The following MACF1 variants were observed in gnomAD, a reference collection of about 807,000 sequenced individuals.
MACF1 encodes microtubule actin crosslinking factor 1, also known as microtubule-actin cross-linking factor 1.
In MACF1, 193 loss-of-function variants were observed where a neutral mutation model predicts 854.8. The observed-to-expected ratio is 0.23, with a 90% CI of 0.20 to 0.25. The LOEUF is 0.25. Among genes scored for constraint, MACF1 ranks in the 10% least tolerant of loss-of-function variants. MACF1 has a pLI of 1.00. For missense variants in MACF1, 7,722 were observed against 8,929.1 expected (o/e 0.86, Z 5.45); for synonymous variants, 3,185 against 3,226.7 (o/e 0.99, Z 0.44).
At chr1:39,459,710 C>G (rs748462549) in intron 91 of MACF1, 1 of 583,344 alleles carries the variant, frequency 1.7e-6, no homozygotes, top group Non-Finnish European at 2.6e-6. Flanking sequence ...AGAAGCAACT[C>G]TATTTTGAAG....
chr1:39,445,444 C>T (rs1266158794), intron 80 of MACF1, among the ~76,000 whole-genome samples: 2 of 152,232 alleles, frequency 1.3e-5, no homozygotes, highest in Non-Finnish European at 2.9e-5. Context: ...CTGTTGACCA[C>T]ATTCACTCAA....
chr1:39,485,338 C>A, intron 100 of MACF1, 200 bp from the exon 101 acceptor site: 1 of 605,698 alleles, frequency 1.7e-6, no homozygotes. Context: ...GCTTTCTAAT[C>A]CCCAGGAGGC....
In MACF1 at chr1:39,178,809, TC is replaced by T. The variant is rs1185122901; in HGVS notation, c.221-52372del. On this transcript the variant is annotated intron_variant, in intron 2 of 93. Coordinates refer to the MACF1 transcript ENST00000361689. ...GGTGTCAGATTGGAAAGCCAAGAGATCAGGTGGCTTGTGATCATAATATAAA... is the reference window on the plus strand; with the variant it reads ...GGTGTCAGATTGGAAAGCCAAGAGATAGGTGGCTTGTGATCATAATATAAA... Among the ~76,000 whole-genome samples the T allele has an allele frequency of 2.6e-5, 4 of 152,204 alleles. No homozygotes were observed. In the East Asian group the frequency reaches 7.7e-4, roughly 29 times the overall value.
intron 1 of MACF1, among the ~76,000 whole-genome samples, chr1:39,208,900 G>A (rs536597743): frequency 1.4e-4 from 21 of 152,102 alleles, no homozygotes; most frequent in Non-Finnish European, 2.8e-4. Flanking sequence ...TGGGATTACA[G>A]GCGAAAACAG....
At chr1:39,208,166 GT>G (rs71057199) in intron 1 of MACF1, among the ~76,000 whole-genome samples, 118 of 141,564 alleles carry the variant, frequency 8.3e-4, no homozygotes, top group Non-Finnish European at 1.3e-3. Flanking sequence ...ATATAAAAGG[GT>G]TTTTTTTTTT....
chr1:39,485,459 A>C, intron 100 of MACF1, 79 bp from the exon 101 acceptor site: 1 of 1,442,968 alleles, frequency 6.9e-7, no homozygotes, highest in Non-Finnish European at 9.2e-7. Flanking sequence ...ACACAGGATC[A>C]GAACCCTAGC....
rs553272050 is a variant in MACF1 at position 39,386,076 on chromosome 1, C to T, written c.14344+147C>T. On this transcript the variant is annotated intron_variant, in intron 57 of 100. Transcript: ENST00000564288. The stretch of plus-strand genomic sequence containing the variant: ...TTAAACCAATTCCTTCTCCTAGTTG[C>T]AGTGAGAACTGTTGTAGTTGTTACA... 2.4e-5 allele frequency: 21 copies of T among 871,344 alleles called. No individual in the cohort carries two copies. In the South Asian group the frequency reaches 3.7e-4, roughly 16 times the overall value. The allele number at this position is 871,344 out of a possible 1,614,324, so 54.0% of individuals were successfully genotyped here.
rs77969312 is a variant in MACF1 at position 39,341,754 on chromosome 1, C to T, written c.10581+801C>T. ...CAGTGATAATGATCATTTCTCCTTT[C>T]AGCTATTCTCTGAGAGACCATCTAC... On this transcript the variant is annotated intron_variant, in intron 40 of 100. Coordinates refer to ENST00000564288, the MANE Select transcript of MACF1 (RefSeq NM_001394062.1). 1.1e-4 allele frequency among the ~76,000 whole-genome samples: 17 copies of T among 151,864 alleles called. No homozygotes were observed. In the East Asian group the frequency reaches 3.1e-3, roughly 28 times the overall value.
rs1258016831 is a variant in MACF1, at chr1:39,333,126, A to G, written c.6538A>G (p.Thr2180Ala). The G allele has an allele frequency of 4.3e-6, 7 of 1,614,032 alleles. No homozygotes were observed. Among genetic ancestry groups the G allele is most frequent in the Non-Finnish European group, 5.9e-6 (7 of 1,180,040 alleles). ...CQNEQAHTLE[T>A]EYIHDETGGS... ...GAATGAACAAGCACACACTCTTGAG[A>G]CTGAATATATTCATGATGAAACTGG... The change falls in exon 37 of 101, where the codon ACT (threonine) becomes GCT (alanine). Residue 2180 changes from threonine to alanine, a missense_variant. Physicochemically the swap from Thr to Ala is moderately conservative, Grantham distance 58. Coordinates refer to ENST00000564288, the MANE Select transcript of MACF1 (RefSeq NM_001394062.1).
chr1:39,444,775 G>A lies in MACF1; in HGVS notation c.19545G>A (p.Gln6515=), dbSNP rs577190731. Reference sequence around the variant, plus strand: ...CTGGGTCTGGCTCCAAGACAGAACAGAGTGTAGCACTTTTGGAGCAGAAGT... The same window carrying A: ...CTGGGTCTGGCTCCAAGACAGAACAAAGTGTAGCACTTTTGGAGCAGAAGT... ...DDSGSGSKTE[Q]SVALLEQKWH... is the part of the protein sequence containing the mutation. Residue 6515 remains glutamine (Q), a synonymous_variant, in exon 80 of 101, where the codon CAG becomes CAA. Coordinates refer to ENST00000564288, the MANE Select transcript of MACF1 (RefSeq NM_001394062.1). The A allele has an allele frequency of 3.1e-6, 5 of 1,614,070 alleles. No individual in the cohort carries two copies. In the East Asian group the frequency reaches 8.9e-5, roughly 29 times the overall value.
rs1387846770 is a variant in MACF1, at chr1:39,332,089, C to G, written c.5501C>G (p.Ala1834Gly). ...IDEAVSNDLV[A>G]AKIALVILES... is the part of the protein sequence containing the mutation. ...GAAGCAGTGAGCAATGATCTAGTAG[C>G]TGCTAAGATCGCCCTTGTGATTCTG... The change falls in exon 37 of 101, where the codon GCT (alanine) becomes GGT (glycine). Residue 1834 changes from alanine (A) to glycine (G), a missense_variant. Physicochemically the swap from Ala to Gly is moderately conservative, Grantham distance 60 (BLOSUM62 0). Around this residue, in one of 15 missense-constraint regions of MACF1, gnomAD observed 1,531 missense variants for 1,601.6 expected, o/e 0.96. Coordinates refer to ENST00000564288, the MANE Select transcript of MACF1 (RefSeq NM_001394062.1). 2 of 1,614,114 alleles carry G rather than the reference C, an allele frequency of 1.2e-6. No individual in the cohort carries two copies. Among genetic ancestry groups the G allele is most frequent in the South Asian group, 2.2e-5 (2 of 91,056 alleles).
chr1:39,298,017 C>A lies in MACF1; in HGVS notation c.2481+272C>A, dbSNP rs527788915. Among the ~76,000 whole-genome samples the A allele has an allele frequency of 1.1e-4, 16 of 152,008 alleles. 1 individual carries two copies. In the South Asian group the frequency reaches 1.7e-3, roughly 16 times the overall value. ...TCTGAGCCACTTTGAGCTCATTGTACTTTCTTTGCATTTTTCTTATTTTAA... is the reference window on the plus strand; with the variant it reads ...TCTGAGCCACTTTGAGCTCATTGTAATTTCTTTGCATTTTTCTTATTTTAA... On this transcript the variant is annotated intron_variant, in intron 21 of 100. Transcript: ENST00000564288.
Position 39,257,954 on chromosome 1 carries a change from C to T in MACF1, c.454C>T (p.Arg152Cys), listed in dbSNP as rs1433719586. Residue 152 changes from arginine to cysteine, a missense_variant, in exon 6 of 101, where the codon CGC becomes TGC. Around this residue, in one of 15 missense-constraint regions of MACF1, gnomAD observed 108 missense variants for 196.4 expected, o/e 0.55. Transcript: ENST00000564288. ...KQRQVKLVNI[R>C]NDDITDGNPK... ...TTTTCAGGTGAAACTAGTGAATATT[C>T]GCAATGATGACATCACAGATGGCAA... 3.7e-6 allele frequency: 6 copies of T among 1,613,472 alleles called. No homozygotes were observed. In the Admixed American group the frequency reaches 6.7e-5, roughly 18 times the overall value.
intron 6 of MACF1, among the ~76,000 whole-genome samples, chr1:39,273,837 G>A (rs561996849): frequency 3.3e-5 from 5 of 152,226 alleles, no homozygotes; most frequent in African/African-American, 7.2e-5. Flanking sequence ...TAATCCGCCC[G>A]CCTCGGCTTC....
At chr1:39,280,566 A>T (rs917196634) in intron 6 of MACF1, among the ~76,000 whole-genome samples, 1 of 151,926 alleles carries the variant, frequency 6.6e-6, no homozygotes. Flanking sequence ...GCAAAATAAC[A>T]TTTATTTATT....
chr1:39,457,715 AGCACTGTCAG>A (rs1644468254), intron 89 of MACF1: 1 of 152,426 alleles, frequency 6.6e-6, no homozygotes, highest in African/African-American at 2.4e-5. Flanking sequence ...TCCTGGTCAC[AGCACTGTCAG>A]GCATCCCTGT....
chr1:39,368,192 T>G lies in MACF1; in HGVS notation c.12816T>G (p.Thr4272=). 6.2e-7 allele frequency: 1 copy of G among 1,614,146 alleles called. No homozygotes were observed. Among genetic ancestry groups the G allele is most frequent in the Non-Finnish European group, 8.5e-7 (1 of 1,180,028 alleles). The change falls in exon 50 of 101, where the codon ACT becomes ACG. Residue 4272 remains threonine, a synonymous_variant. Transcript: ENST00000564288. The part of the protein sequence containing the change: ...EMEDQQENLD[T]LEHLVTELSS... ...AAGACCAACAGGAGAACCTAGATAC[T>G]CTTGAGCACCTGGTCACTGAACTGA... is the stretch of plus-strand genomic sequence containing the variant.
intron 2 of MACF1, among the ~76,000 whole-genome samples, chr1:39,153,835 C>A (rs1281934253): frequency 6.6e-6 from 1 of 152,296 alleles, no homozygotes; most frequent in Non-Finnish European, 1.5e-5. Context: ...ACCAGAAGGA[C>A]AAGGTGTAAT....
In MACF1 at chr1:39,452,347, A is replaced by T; in HGVS notation, c.20610A>T (p.Lys6870Asn). Residue 6870 changes from lysine (K) to asparagine (N), a missense_variant, in exon 86 of 101, where the codon AAA becomes AAT. Coordinates refer to ENST00000564288, the MANE Select transcript of MACF1 (RefSeq NM_001394062.1). ...AAAGCCGGCTTGAGCAGGCCTTAAA[A>T]CAAGTAAGGGATATTTGCTGTCCCA... ...SKQSRLEQAL[K>N]QAEVFRDTVH... is the part of the protein sequence containing the mutation. 1 of 1,612,880 alleles carries T rather than the reference A, an allele frequency of 6.2e-7. No homozygotes were observed. Among genetic ancestry groups the T allele is most frequent in the Non-Finnish European group, 8.5e-7 (1 of 1,179,378 alleles).
Sources: gnomAD v4.1 joint callset for allele counts (sites outside exome capture counted in the v4.1 genomes callset) on GRCh38, gnomAD v4.1.1 for gene constraint, gnomAD v4.1.1 regional missense constraint, MANE v1.5 for transcripts, NCBI Gene and HGNC (gene_info 2026-07-23, HGNC 2026-07-21) for gene names.